Variants in ARHGAP32 observed in about 807,000 individuals in gnomAD.
ARHGAP32 encodes the protein Rho GTPase activating protein 32.
ARHGAP32 carries 51 observed loss-of-function variants against 186.5 expected under a neutral mutation model. The ratio of observed to expected loss-of-function variants is 0.27; its 90% CI spans 0.22 to 0.35. The LOEUF (loss-of-function observed/expected upper bound fraction) is 0.35, where lower values mean the gene tolerates loss of function less well. Ranked by LOEUF, ARHGAP32 falls within the 10% of genes least tolerant of loss-of-function variation. The pLI is 1.00. For missense variants in ARHGAP32, 2,186 were observed against 2,623.5 expected (o/e 0.83, Z 3.64); for synonymous variants, 950 against 964.3 (o/e 0.99, Z 0.27).
At position 128,973,249 on chromosome 11, in the gene ARHGAP32, T is replaced by C; in HGVS notation, c.3257A>G (p.Tyr1086Cys). 3 of 1,614,202 alleles carry C rather than the reference T, an allele frequency of 1.9e-6. No homozygotes were observed. The highest frequency in any genetic ancestry group is 2.5e-6 in the Non-Finnish European group (3 of 1,180,038). ...PGTSQAGYTN[Y>C]GDIAVATTED... is the part of the protein sequence containing the mutation. Reference sequence around the variant, plus strand: ...AGTTGTAGCCACCGCTATGTCTCCATAATTTGTATACCCAGCCTGAGAGGT... The same window carrying C: ...AGTTGTAGCCACCGCTATGTCTCCACAATTTGTATACCCAGCCTGAGAGGT... The change falls in exon 22 of 23, where the codon TAT (tyrosine) becomes TGT (cysteine). Residue 1086 changes from tyrosine (Y) to cysteine (C), a missense_variant. Physicochemically the swap from Tyr to Cys is radical, Grantham distance 194 (BLOSUM62 -2). Around this residue, in one of 5 missense-constraint regions of ARHGAP32, gnomAD observed 1,502 missense variants for 1,570.0 expected, o/e 0.96. Transcript: ENST00000682385.
At chr11:129,071,390 G>T (rs1940861544) in intron 6 of ARHGAP32, among the ~76,000 whole-genome samples, 2 of 151,758 alleles carry the variant, frequency 1.3e-5, no homozygotes, top group South Asian at 4.2e-4. Flanking sequence ...TTAACCAATG[G>T]GCAAAAGCAC....
intron 11 of ARHGAP32, among the ~76,000 whole-genome samples, chr11:129,008,494 A>G (rs1470923480): frequency 2.0e-5 from 3 of 152,190 alleles, no homozygotes; most frequent in Non-Finnish European, 4.4e-5. Flanking sequence ...CATTATTTAC[A>G]GACATTAGTG....
At chr11:129,073,636 G>A (rs1389530192) in intron 6 of ARHGAP32, among the ~76,000 whole-genome samples, 2 of 151,828 alleles carry the variant, frequency 1.3e-5, no homozygotes, top group Admixed American at 6.6e-5. Flanking sequence ...ACCAGAAGGA[G>A]AAGAAATGGA....
At chr11:129,250,136 G>C (rs1945160021) in intron 1 of ARHGAP32, among the ~76,000 whole-genome samples, 1 of 152,040 alleles carries the variant, frequency 6.6e-6, no homozygotes, top group African/African-American at 2.4e-5. Flanking sequence ...AGGACTGCTT[G>C]AGCACAAGAG....
intron 20 of ARHGAP32, among the ~76,000 whole-genome samples, chr11:128,975,757 T>G (rs556885198): frequency 6.6e-6 from 1 of 152,134 alleles, no homozygotes; most frequent in Non-Finnish European, 1.5e-5. Context: ...TTAATAAATA[T>G]AAATATATTG....
intron 1 of ARHGAP32, among the ~76,000 whole-genome samples, chr11:129,209,180 G>T (rs1337520625): frequency 6.6e-6 from 1 of 152,102 alleles, no homozygotes; most frequent in South Asian, 2.1e-4. Flanking sequence ...CCTATTTAGA[G>T]ATTTATTTTG....
At chr11:129,176,940 G>A (rs1291550279) in intron 1 of ARHGAP32, among the ~76,000 whole-genome samples, 1 of 151,742 alleles carries the variant, frequency 6.6e-6, no homozygotes, top group South Asian at 2.1e-4. Context: ...TAAAATCAGA[G>A]CAGAACTGAA....
rs1565441630 is a variant in ARHGAP32 at position 129,141,430 on chromosome 11, CAT to C, written c.226-16538_226-16537del. ...AGGTGGGAATTGAACAATGAGAACACATAGACACAAGGCAGGGAACATCAGAC... is the reference window on the plus strand; with the variant it reads ...AGGTGGGAATTGAACAATGAGAACACAGACACAAGGCAGGGAACATCAGAC... On this transcript the variant is annotated intron_variant, in intron 2 of 22. Coordinates refer to ENST00000682385, the MANE Select transcript of ARHGAP32 (RefSeq NM_001378024.1). Among the ~76,000 whole-genome samples, 3 of 151,882 alleles carry C rather than the reference CAT, an allele frequency of 2.0e-5. No homozygotes were observed. In the East Asian group the frequency reaches 5.8e-4, roughly 29 times the overall value.
intron 10 of ARHGAP32, among the ~76,000 whole-genome samples, chr11:129,054,444 C>G (rs577092891): frequency 1.1e-4 from 17 of 152,254 alleles, no homozygotes; most frequent in African/African-American, 3.9e-4. Flanking sequence ...TGACCCCATC[C>G]CCTGAGATTC....
chr11:129,109,584 C>T (rs1317293032), intron 5 of ARHGAP32, among the ~76,000 whole-genome samples: 1 of 151,912 alleles, frequency 6.6e-6, no homozygotes, highest in Non-Finnish European at 1.5e-5. Flanking sequence ...TCACTGGCAT[C>T]TATTATTTTT....
intron 6 of ARHGAP32, among the ~76,000 whole-genome samples, chr11:129,080,811 A>G (rs1591596644): frequency 6.6e-6 from 1 of 152,140 alleles, no homozygotes; most frequent in Admixed American, 6.5e-5. Context: ...AAAATAAAAG[A>G]AAAAGCTGGT....
upstream of ARHGAP32, among the ~76,000 whole-genome samples, chr11:129,193,581 TTATATA>T (rs1944324123): frequency 1.8e-5 from 1 of 55,798 alleles, no homozygotes; most frequent in African/African-American, 8.2e-5. Flanking sequence ...TATATATATA[TTATATA>T]ATATATGTTA....
At chr11:129,083,237 T>A (rs1172460153) in intron 6 of ARHGAP32, among the ~76,000 whole-genome samples, 1 of 152,202 alleles carries the variant, frequency 6.6e-6, no homozygotes. Flanking sequence ...CTACTGGGTA[T>A]CTACTCAGAA....
At chr11:129,242,247 G>T (rs536887149) in intron 1 of ARHGAP32, among the ~76,000 whole-genome samples, 3 of 152,090 alleles carry the variant, frequency 2.0e-5, no homozygotes, top group Admixed American at 6.6e-5. Context: ...ACTCAACCCC[G>T]CAAGTGATAC....
chr11:129,022,097 G>C (rs1460563262), intron 11 of ARHGAP32, among the ~76,000 whole-genome samples: 1 of 152,078 alleles, frequency 6.6e-6, no homozygotes, highest in Non-Finnish European at 1.5e-5. Context: ...AGACATGCTT[G>C]TGTATTCTTA....
chr11:128,978,694 A>G (rs1445095252), intron 19 of ARHGAP32, 76 bp downstream of exon 19: 7 of 1,452,102 alleles, frequency 4.8e-6, no homozygotes, highest in Admixed American at 2.4e-5. Context: ...GATCATAACA[A>G]TATGTGAAGA....
intron 11 of ARHGAP32, among the ~76,000 whole-genome samples, chr11:129,031,252 A>C (rs1388014658): frequency 2.6e-5 from 4 of 152,234 alleles, no homozygotes; most frequent in African/African-American, 9.7e-5. Context: ...CATAGTAAAT[A>C]AACACAAATC....
intron 1 of ARHGAP32, among the ~76,000 whole-genome samples, chr11:129,237,302 A>G (rs749058153): frequency 1.3e-5 from 2 of 152,218 alleles, no homozygotes; most frequent in Non-Finnish European, 2.9e-5. Context: ...CATTTAAAGA[A>G]ATACAAATTT....
chr11:129,016,502 G>A (rs910109085), intron 11 of ARHGAP32, among the ~76,000 whole-genome samples: 4 of 151,918 alleles, frequency 2.6e-5, no homozygotes, highest in Non-Finnish European at 5.9e-5. Context: ...ATCTTTAATC[G>A]AATAACCTTT....
Sources: allele counts gnomAD v4.1 joint callset (sites outside exome capture counted in the v4.1 genomes callset), GRCh38; gene constraint gnomAD v4.1.1; regional missense constraint gnomAD v4.1.1; transcripts MANE v1.5; gene names NCBI Gene and HGNC (gene_info 2026-07-23, HGNC 2026-07-21).